The following ASTN2 variants were observed in gnomAD, a reference collection of about 807,000 sequenced individuals.
ASTN2 encodes the protein astrotactin 2, also known as astrotactin-2.
A neutral mutation model predicts 139.8 loss-of-function variants in ASTN2; 54 were observed. That is an observed-to-expected ratio of 0.39 (90% confidence interval 0.31 to 0.48). The LOEUF (loss-of-function observed/expected upper bound fraction) is 0.48, where lower values mean the gene tolerates loss of function less well. Ranked by LOEUF, ASTN2 falls within the 20% of genes least tolerant of loss-of-function variation. The pLI, the probability that ASTN2 is intolerant of heterozygous loss-of-function variation, is 0.95. For missense variants in ASTN2, 1,565 were observed against 1,725.1 expected (o/e 0.91, Z 1.64); for synonymous variants, 756 against 719.5 (o/e 1.05, Z -0.81).
At chr9:116,690,332 C>T (rs1183182568) in intron 16 of ASTN2, among the ~76,000 whole-genome samples, 1 of 152,232 alleles carries the variant, frequency 6.6e-6, no homozygotes, top group Non-Finnish European at 1.5e-5. Flanking sequence ...GGTTAAATGA[C>T]TTACCCAGGG....
intron 4 of ASTN2, among the ~76,000 whole-genome samples, chr9:117,110,252 T>TA (rs1293767417): frequency 2.6e-5 from 4 of 152,202 alleles, no homozygotes; most frequent in African/African-American, 9.6e-5. Context: ...TTTGGCAATA[T>TA]AAAAAAGAAC....
chr9:116,991,243 C>T (rs1205798045), intron 7 of ASTN2, among the ~76,000 whole-genome samples: 2 of 152,156 alleles, frequency 1.3e-5, no homozygotes, highest in Non-Finnish European at 2.9e-5. Flanking sequence ...CAAATGCTGC[C>T]TTCAGTCTAG....
rs1289773313 is a variant in ASTN2, at chr9:116,964,256, T to TGCGC, written c.1889+10948_1889+10951dup. On this transcript the variant is annotated intron_variant, in intron 10 of 22. Transcript: ENST00000313400. Reference sequence around the variant, plus strand: ...GTGTGTGTGTGTGTGTGTGTGTGTGTGCGCGCGCGCGCGTGTGTGTTGACT... The same window carrying TGCGC: ...GTGTGTGTGTGTGTGTGTGTGTGTGTGCGCGCGCGCGCGCGCGTGTGTGTTGACT... 2.4e-3 allele frequency among the ~76,000 whole-genome samples: 235 copies of TGCGC among 98,904 alleles called. 1 individual carries two copies. Among genetic ancestry groups the TGCGC allele is most frequent in the African/African-American group, 7.2e-3 (222 of 30,934 alleles). 64.9% of individuals were successfully genotyped at this position (98,904 alleles called of 152,430 possible).
intron 17 of ASTN2, among the ~76,000 whole-genome samples, chr9:116,638,308 T>C (rs1364636702): frequency 6.6e-6 from 1 of 152,188 alleles, no homozygotes; most frequent in Non-Finnish European, 1.5e-5. Context: ...TATTCTCAGA[T>C]ATTAGGAATT....
intron 13 of ASTN2, among the ~76,000 whole-genome samples, chr9:116,779,842 T>A (rs1044153948): frequency 6.6e-5 from 10 of 152,222 alleles, no homozygotes; most frequent in Non-Finnish European, 1.3e-4. Flanking sequence ...ATTCATTTTT[T>A]AAATTCCCCC....
intron 1 of ASTN2, among the ~76,000 whole-genome samples, chr9:117,370,643 A>C (rs2130912122): frequency 6.6e-6 from 1 of 152,294 alleles, no homozygotes; most frequent in African/African-American, 2.4e-5. Context: ...AATCTGCTTA[A>C]GATCAGGCAG....
At chr9:116,740,379 A>G (rs1450718988) in intron 13 of ASTN2, among the ~76,000 whole-genome samples, 3 of 152,252 alleles carry the variant, frequency 2.0e-5, no homozygotes, top group Non-Finnish European at 4.4e-5. Context: ...GCACATGGAT[A>G]CAAATTCTAG....
At chr9:116,796,179 A>G (rs1044385574) in intron 13 of ASTN2, among the ~76,000 whole-genome samples, 5 of 152,170 alleles carry the variant, frequency 3.3e-5, no homozygotes, top group African/African-American at 7.2e-5. Context: ...TGTTACTATT[A>G]TTCTTAATTT....
At position 116,624,579 on chromosome 9, in the gene ASTN2, TTAAGA is replaced by T. The variant is rs377190060; in HGVS notation, c.3073-4141_3073-4137del. ...TAAACTTTAGGTAAACACCCTCTAC[TTAAGA>T]TATTTAGAAACATCTACACAGAATG... On this transcript the variant is annotated intron_variant, in intron 17 of 22. Transcript: ENST00000313400. Among the ~76,000 whole-genome samples, 700 of 151,886 alleles carry T rather than the reference TTAAGA, an allele frequency of 4.6e-3. 4 individuals carry two copies. The highest frequency in any genetic ancestry group is 0.016 in the African/African-American group (665 of 41,370).
At chr9:116,807,490 A>T (rs533119195) in intron 12 of ASTN2, among the ~76,000 whole-genome samples, 1 of 152,306 alleles carries the variant, frequency 6.6e-6, no homozygotes, top group African/African-American at 2.4e-5. Flanking sequence ...TCCTTTCCAT[A>T]GTACAGTGGG....
chr9:116,961,145 C>CA (rs1835864746), intron 10 of ASTN2, among the ~76,000 whole-genome samples: 1 of 152,096 alleles, frequency 6.6e-6, no homozygotes, highest in Admixed American at 6.5e-5. Context: ...ACCCTTCCCC[C>CA]AAAACCATTC....
intron 11 of ASTN2, among the ~76,000 whole-genome samples, chr9:116,841,750 T>G (rs1248546592): frequency 6.6e-6 from 1 of 152,148 alleles, no homozygotes; most frequent in Non-Finnish European, 1.5e-5. Flanking sequence ...TGTGAGAGGA[T>G]CCCAGGAGGT....
At chr9:116,561,433 G>T (rs1000132781) in intron 19 of ASTN2, among the ~76,000 whole-genome samples, 7 of 152,280 alleles carry the variant, frequency 4.6e-5, no homozygotes, top group Middle Eastern at 3.4e-3. Flanking sequence ...CACTATACCA[G>T]TTATCATCTT....
intron 13 of ASTN2, among the ~76,000 whole-genome samples, chr9:116,756,570 G>T (rs1412493508): frequency 6.6e-6 from 1 of 151,830 alleles, no homozygotes; most frequent in Admixed American, 6.6e-5. Flanking sequence ...GCAAACCCAT[G>T]GCTTGGGGCT....
chr9:116,648,062 T>C (rs903621737), intron 17 of ASTN2, among the ~76,000 whole-genome samples: 1 of 150,778 alleles, frequency 6.6e-6, no homozygotes, highest in African/African-American at 2.4e-5. Context: ...AGTGCAATGG[T>C]GCGATCTTGG....
chr9:117,239,897 G>T (rs932372806), intron 2 of ASTN2, among the ~76,000 whole-genome samples: 2 of 152,154 alleles, frequency 1.3e-5, no homozygotes, highest in Non-Finnish European at 2.9e-5. Context: ...GGCATTGTGT[G>T]GTTAGTATGC....
intron 11 of ASTN2, among the ~76,000 whole-genome samples, chr9:116,832,611 A>T (rs138995443): frequency 0.012 from 1,800 of 151,824 alleles, 16 homozygotes; most frequent in Non-Finnish European, 0.017. Flanking sequence ...GTATCCATTG[A>T]TATGATGATG....
intron 17 of ASTN2, among the ~76,000 whole-genome samples, chr9:116,630,375 A>G (rs1344989820): frequency 6.6e-6 from 1 of 152,154 alleles, no homozygotes. Context: ...AAAAGTTGAA[A>G]TTTTTTAAAG....
intron 19 of ASTN2, among the ~76,000 whole-genome samples, chr9:116,550,777 G>A (rs1014488687): frequency 3.3e-5 from 5 of 152,196 alleles, no homozygotes; most frequent in African/African-American, 1.2e-4. Context: ...CCAACCTGAT[G>A]CAGGTGGGTT....
Sources: gnomAD v4.1 joint callset for allele counts (sites outside exome capture counted in the v4.1 genomes callset) on GRCh38, gnomAD v4.1.1 for gene constraint, MANE v1.5 for transcripts, NCBI Gene and HGNC (gene_info 2026-07-23, HGNC 2026-07-21) for gene names.